The following NPAS2 variants were observed in gnomAD, a reference collection of about 807,000 sequenced individuals.
NPAS2 encodes neuronal PAS domain protein 2, also known as neuronal PAS domain-containing protein 2.
A neutral mutation model predicts 107.5 loss-of-function variants in NPAS2; 23 were observed. The ratio of observed to expected loss-of-function variants is 0.21; its 90% CI spans 0.15 to 0.30. The LOEUF is 0.30. Ranked by LOEUF, NPAS2 falls within the 10% of genes least tolerant of loss-of-function variation. The probability of loss-of-function intolerance (pLI) is 1.00; values close to 1 mark genes in which losing one functional copy is unlikely to be tolerated. For synonymous variants in NPAS2, 403 were observed against 417.5 expected (o/e 0.97, Z 0.42); for missense variants, 756 against 1,043.3 (o/e 0.72, Z 3.79).
chr2:100,930,230 T>C (rs1683846806), intron 3 of NPAS2, among the ~76,000 whole-genome samples: 2 of 152,206 alleles, frequency 1.3e-5, no homozygotes, highest in Non-Finnish European at 2.9e-5. Context: ...ACTTCTTTAA[T>C]GTGTCTGTCT....
intron 1 of NPAS2, among the ~76,000 whole-genome samples, chr2:100,902,740 G>A (rs1235265602): frequency 3.3e-5 from 5 of 152,110 alleles, no homozygotes; most frequent in African/African-American, 1.2e-4. Context: ...TTTTTTAAGT[G>A]AAAAAATAAC....
chr2:100,968,457 C>T lies in NPAS2; in HGVS notation c.1055+29C>T, dbSNP rs894555701. ...CCGCGCACGGGCAGGGGTGCGGCTG[C>T]GTCCTTGTCGCACCTGGGGGAGGGG... On this transcript the variant is annotated intron_variant, in intron 11 of 20. Transcript: ENST00000335681. This position sits in a 1 kb window ranked among gnomAD's most constrained non-coding sequence, Gnocchi z 5.3. 2.1e-5 allele frequency: 33 copies of T among 1,603,784 alleles called. No homozygotes were observed. Among genetic ancestry groups the T allele is most frequent in the Non-Finnish European group, 2.4e-5 (28 of 1,172,984 alleles).
rs1676377140 is a variant in NPAS2 at position 100,968,730 on chromosome 2, T to TC, written c.1055+303dup. Among the ~76,000 whole-genome samples the TC allele has an allele frequency of 6.6e-6, 1 of 152,208 alleles. No individual in the cohort carries two copies. The highest frequency in any genetic ancestry group is 1.5e-5 in the Non-Finnish European group (1 of 68,030). On this transcript the variant is annotated intron_variant, in intron 11 of 20. Coordinates refer to ENST00000335681, the MANE Select transcript of NPAS2 (RefSeq NM_002518.4). The surrounding 1 kb of genome is among the most constrained non-coding windows in gnomAD (Gnocchi z 5.3). Reference sequence around the variant, plus strand: ...GGATATTACTTAGTAAGTGACTGCTTCACTGACCTACTTACATATTTTCCC... The same window carrying TC: ...GGATATTACTTAGTAAGTGACTGCTTCCACTGACCTACTTACATATTTTCCC...
At chr2:100,882,390 A>G (rs960438419) in intron 1 of NPAS2, among the ~76,000 whole-genome samples, 4 of 152,172 alleles carry the variant, frequency 2.6e-5, no homozygotes, top group Admixed American at 6.5e-5. Flanking sequence ...TGGGCGGATC[A>G]CAAGGTCAGG....
intron 2 of NPAS2, among the ~76,000 whole-genome samples, chr2:100,920,490 T>A (rs1443641697): frequency 6.6e-6 from 1 of 152,188 alleles, no homozygotes; most frequent in East Asian, 1.9e-4. Flanking sequence ...ATTTAATAAC[T>A]GGATGTTTGA....
chr2:100,991,768 CA>C (rs1247860668), intron 19 of NPAS2, among the ~76,000 whole-genome samples: 1 of 152,084 alleles, frequency 6.6e-6, no homozygotes, highest in African/African-American at 2.4e-5. Context: ...TTTTTTAAAC[CA>C]GTGAAGAGGC....
At chr2:100,874,219 A>G (rs1679809398) in intron 1 of NPAS2, among the ~76,000 whole-genome samples, 1 of 151,930 alleles carries the variant, frequency 6.6e-6, no homozygotes, top group Non-Finnish European at 1.5e-5. Context: ...TCATGACCTC[A>G]AGCAATCCGC....
chr2:100,962,711 TAAA>T (rs1675982467), intron 7 of NPAS2: 1 of 152,226 alleles, frequency 6.6e-6, no homozygotes, highest in Non-Finnish European at 1.5e-5. Context: ...TTATCCCACC[TAAA>T]AAACTCCATC....
At chr2:100,862,537 T>C (rs1275756987) in intron 1 of NPAS2, among the ~76,000 whole-genome samples, 3 of 152,040 alleles carry the variant, frequency 2.0e-5, no homozygotes, top group Admixed American at 2.0e-4. Flanking sequence ...GGTCTGGAGG[T>C]CAGGGCATGG....
intron 5 of NPAS2, among the ~76,000 whole-genome samples, chr2:100,943,504 A>T (rs1049870023): frequency 6.6e-6 from 1 of 152,078 alleles, no homozygotes; most frequent in African/African-American, 2.4e-5. Flanking sequence ...ATGTCTGAAG[A>T]CTCCACAGCT....
intron 13 of NPAS2, 155 bp from the exon 14 acceptor site, chr2:100,975,303 T>G: frequency 1.4e-6 from 1 of 705,894 alleles, no homozygotes; most frequent in Admixed American, 2.7e-5. Flanking sequence ...AGGCTGGGCT[T>G]CTGTGGTTCA....
chr2:100,871,751 G>A, intron 1 of NPAS2, among the ~76,000 whole-genome samples: 1 of 151,988 alleles, frequency 6.6e-6, no homozygotes, highest in Middle Eastern at 3.2e-3. Context: ...TTTTCCTGCT[G>A]TCCTCAGCTT....
chr2:100,827,690 C>T (rs1676471072), intron 1 of NPAS2, among the ~76,000 whole-genome samples: 1 of 152,184 alleles, frequency 6.6e-6, no homozygotes, highest in South Asian at 2.1e-4. Context: ...CCTCCAGCTG[C>T]ATCCACGTTG....
Position 100,995,464 on chromosome 2 carries a change from A to G in NPAS2, c.2357A>G (p.Gln786Arg). The G allele has an allele frequency of 6.2e-7, 1 of 1,614,054 alleles. No homozygotes were observed. The change falls in exon 21 of 21, where the codon CAA (glutamine) becomes CGA (arginine). Residue 786 changes from glutamine (Q) to arginine (R), a missense_variant. Transcript: ENST00000335681. The part of the protein sequence containing the change: ...QDSLLLSTYS[Q>R]QPGTLGYPQP... ...TCGCTACTTCTCTCCACCTACTCAC[A>G]ACAGCCAGGGACCCTGGGCTACCCC...
intron 1 of NPAS2, among the ~76,000 whole-genome samples, chr2:100,829,474 A>G (rs1330626894): frequency 6.6e-6 from 1 of 152,206 alleles, no homozygotes; most frequent in African/African-American, 2.4e-5. Context: ...GAAATAATGT[A>G]GAAATGCTAC....
At position 100,995,810 on chromosome 2, in the gene NPAS2, T is replaced by C; in HGVS notation, c.*228T>C. ...TTGCCTCCGAGGTTCTTGGGCACAC[T>C]CTATAGCCATACTGGACAGGAACCA... On this transcript the variant is annotated 3_prime_UTR_variant, in exon 21 of 21. Coordinates refer to ENST00000335681, the MANE Select transcript of NPAS2 (RefSeq NM_002518.4). 6.5e-7 allele frequency: 1 copy of C among 1,543,206 alleles called. No homozygotes were observed. Among genetic ancestry groups the C allele is most frequent in the South Asian group, 1.2e-5 (1 of 83,152 alleles).
intron 5 of NPAS2, among the ~76,000 whole-genome samples, chr2:100,943,218 A>G (rs374378400): frequency 1.3e-5 from 2 of 152,170 alleles, no homozygotes; most frequent in East Asian, 3.8e-4. Context: ...GCATTGTCAG[A>G]CTTCTTGTTT....
chr2:100,931,331 A>C (rs1365054295), intron 3 of NPAS2, among the ~76,000 whole-genome samples: 2 of 152,094 alleles, frequency 1.3e-5, no homozygotes, highest in Non-Finnish European at 2.9e-5. Flanking sequence ...TAAACTCACA[A>C]AGACAAAAAT....
chr2:100,988,632 C>T (rs540977701), intron 17 of NPAS2: 4 of 335,762 alleles, frequency 1.2e-5, no homozygotes, highest in Non-Finnish European at 1.7e-5. Context: ...CAACACTCAA[C>T]GTCCATGGTC....
Sources: gnomAD v4.1 joint callset for allele counts (sites outside exome capture counted in the v4.1 genomes callset) on GRCh38, gnomAD v4.1.1 for gene constraint, Gnocchi (gnomAD v3.1) non-coding constraint, MANE v1.5 for transcripts, NCBI Gene and HGNC (gene_info 2026-07-23, HGNC 2026-07-21) for gene names.